Variants in TUBB8B observed in about 807,000 individuals in gnomAD.
TUBB8B encodes the protein HSA18p11 beta-tubulin 4Q pseudogene.
Under a neutral mutation model 31.9 loss-of-function variants are expected in TUBB8B, and 26 were observed. The ratio of observed to expected loss-of-function variants is 0.81; its 90% CI spans 0.60 to 1.13. The LOEUF is 1.13. TUBB8B is among the 50% of genes most tolerant of loss of function. TUBB8B has a pLI of 0.00. For synonymous variants in TUBB8B, 173 were observed against 231.0 expected (o/e 0.75, Z 2.28); for missense variants, 467 against 586.7 (o/e 0.80, Z 2.11).
In TUBB8B at chr18:48,145, CTA is replaced by C. The variant is rs754308584; in HGVS notation, c.578_579del (p.Ile193ArgfsTer5). 6.2e-7 allele frequency: 1 copy of C among 1,614,138 alleles called. No individual in the cohort carries two copies. The highest frequency in any genetic ancestry group is 8.5e-7 in the Non-Finnish European group (1 of 1,179,948). On this transcript the variant is annotated frameshift_variant, in exon 4 of 4. Coordinates refer to ENST00000308911, the MANE Select transcript of TUBB8B (RefSeq NM_001358689.2). LOFTEE classifies it high-confidence loss of function. ...YNATLSVHQL[I>X]ENADETFCID... is the part of the protein sequence containing the mutation. Reference sequence around the variant, plus strand: ...ATGCAGAAGGTCTCATCCGCGTTTTCTATGAGCTGGTGGACTGAGAGGGTGGC... The same window carrying C: ...ATGCAGAAGGTCTCATCCGCGTTTTCTGAGCTGGTGGACTGAGAGGGTGGC...
At chr18:67,489 T>G in the TUBB8B span, among the ~76,000 whole-genome samples, 1 of 152,176 alleles carries the variant, frequency 6.6e-6, no homozygotes, top group Non-Finnish European at 1.5e-5. Context: ...TACATATGTG[T>G]GCAAGCACAA....
chr18:63,784 A>C, the TUBB8B span, among the ~76,000 whole-genome samples: 1 of 147,270 alleles, frequency 6.8e-6, no homozygotes, highest in Non-Finnish European at 1.5e-5. Context: ...CCCTAGCCTT[A>C]GCCCTAACCG....
chr18:55,156 C>T, the TUBB8B span, among the ~76,000 whole-genome samples: 3 of 151,826 alleles, frequency 2.0e-5, no homozygotes, highest in African/African-American at 4.8e-5. Context: ...GGCTGGAGTG[C>T]ACTGGTATGA....
At chr18:57,492 C>T in the TUBB8B span, among the ~76,000 whole-genome samples, 67 of 151,948 alleles carry the variant, frequency 4.4e-4, 1 homozygote, top group East Asian at 0.011. Flanking sequence ...CACACTAATG[C>T]CTTGGGACGT....
upstream of TUBB8B, among the ~76,000 whole-genome samples, chr18:50,819 C>A (rs1397024817): frequency 7.8e-4 from 118 of 152,186 alleles, no homozygotes; most frequent in Non-Finnish European, 1.5e-3. Context: ...GTGGCATCTA[C>A]AAGGGCATTT....
At chr18:48,628 A>T (rs1905861679) in intron 3 of TUBB8B, 181 bp from the exon 4 acceptor site, 1 of 682,622 alleles carries the variant, frequency 1.5e-6, no homozygotes, top group African/African-American at 1.8e-5. Flanking sequence ...GTTAGAAATT[A>T]AGACAGGAGT....
rs779394962 is a variant in TUBB8B, at chr18:49,056, T to C, written c.167-6A>G. On this transcript the variant is annotated splice_region_variant and splice_polypyrimidine_tract_variant and intron_variant, in intron 2 of 3. Transcript: ENST00000308911. Reference sequence around the variant, plus strand: ...GCGGGGCACGTACCTGCCACCTGCGTGGGGCGGGAGGGCATGAGCGAGGGG... The same window carrying C: ...GCGGGGCACGTACCTGCCACCTGCGCGGGGCGGGAGGGCATGAGCGAGGGG... 1.8e-5 allele frequency: 28 copies of C among 1,585,132 alleles called. No individual in the cohort carries two copies. The highest frequency in any genetic ancestry group is 3.4e-5 in the Admixed American group (2 of 59,456).
chr18:64,761 C>G, the TUBB8B span, among the ~76,000 whole-genome samples: 2 of 152,226 alleles, frequency 1.3e-5, no homozygotes, highest in African/African-American at 4.8e-5. Flanking sequence ...GCAAAGGCTA[C>G]AGGCGCTCTC....
the TUBB8B span, among the ~76,000 whole-genome samples, chr18:61,429 T>C: frequency 4.4e-4 from 66 of 151,704 alleles, 1 homozygote; most frequent in East Asian, 0.011. Flanking sequence ...GATTGGAGTA[T>C]TTAGTTCATG....
chr18:54,033 G>T (rs1487752034), upstream of TUBB8B, among the ~76,000 whole-genome samples: 1 of 151,646 alleles, frequency 6.6e-6, no homozygotes, highest in East Asian at 1.9e-4. Flanking sequence ...AGGGTTCCCT[G>T]CAGGGACTGA....
the TUBB8B span, among the ~76,000 whole-genome samples, chr18:72,196 A>AAAAAAAAAAAACAAC: frequency 7.1e-5 from 6 of 84,530 alleles, no homozygotes; most frequent in Non-Finnish European, 9.7e-5. Context: ...AAAAAAAAAA[A>AAAAAAAAAAAACAAC]AAAGGAAAAA....
At chr18:56,626 G>T in the TUBB8B span, among the ~76,000 whole-genome samples, 1 of 151,754 alleles carries the variant, frequency 6.6e-6, no homozygotes, top group Admixed American at 6.6e-5. Flanking sequence ...TTTGTTGACT[G>T]TTGGCATATA....
chr18:62,125 CTT>C, the TUBB8B span, among the ~76,000 whole-genome samples: 1 of 150,578 alleles, frequency 6.6e-6, no homozygotes, highest in Non-Finnish European at 1.5e-5. Context: ...AAAGTAAAGT[CTT>C]TTTTTTTCCT....
chr18:63,071 G>A, the TUBB8B span, among the ~76,000 whole-genome samples: 51 of 151,852 alleles, frequency 3.4e-4, no homozygotes, highest in African/African-American at 1.2e-3. Context: ...ACCTCAACCA[G>A]CTATTTAGGA....
At chr18:49,360 G>A (rs1212965893) in intron 1 of TUBB8B, 123 bp from the exon 2 acceptor site, 8 of 561,886 alleles carry the variant, frequency 1.4e-5, no homozygotes, top group East Asian at 1.2e-4. Flanking sequence ...CACCCCAGCC[G>A]CCTCGCCAGC....
chr18:69,622 C>T, the TUBB8B span, among the ~76,000 whole-genome samples: 1 of 152,208 alleles, frequency 6.6e-6, no homozygotes, highest in Non-Finnish European at 1.5e-5. Flanking sequence ...TGGTCAGTAA[C>T]AAATACCACT....
the TUBB8B span, among the ~76,000 whole-genome samples, chr18:58,374 C>A: frequency 6.6e-6 from 1 of 151,590 alleles, no homozygotes; most frequent in South Asian, 2.1e-4. Context: ...GCAGCCAGGC[C>A]ACATCTTCAA....
upstream of TUBB8B, among the ~76,000 whole-genome samples, chr18:54,415 A>G (rs893748839): frequency 6.6e-6 from 1 of 151,756 alleles, no homozygotes; most frequent in African/African-American, 2.4e-5. Context: ...AGTTTTTATA[A>G]AATGTATAAT....
chr18:49,584 A>C lies in TUBB8B; in HGVS notation c.-27T>G. 1.3e-6 allele frequency: 1 copy of C among 776,178 alleles called. No homozygotes were observed. Among genetic ancestry groups the C allele is most frequent in the Non-Finnish European group, 2.2e-6 (1 of 458,390 alleles). The allele number at this position is 776,178 out of a possible 1,614,324, so 48.1% of individuals were successfully genotyped here. A position where few individuals can be genotyped will look rare whatever the true frequency, so the allele number is the denominator to read the frequency against. On this transcript the variant is annotated 5_prime_UTR_variant, in exon 1 of 4. Transcript: ENST00000308911. ...GCCAAGGCAGGATTAGGGCGGCAGC[A>C]GAAGCGCGAGAAGGAGGAGCAGACG...
Sources: allele counts gnomAD v4.1 joint callset (sites outside exome capture counted in the v4.1 genomes callset), GRCh38; gene constraint gnomAD v4.1.1; transcripts MANE v1.5; gene names NCBI Gene and HGNC (gene_info 2026-07-23, HGNC 2026-07-21).